The following PARN variants were observed in gnomAD, a reference collection of about 807,000 sequenced individuals.
The protein encoded by PARN is poly(A)-specific ribonuclease.
A neutral mutation model predicts 102.8 loss-of-function variants in PARN; 71 were observed. That is an observed-to-expected ratio of 0.69 (90% CI 0.57 to 0.84). The LOEUF is 0.84. Among genes scored for constraint, PARN ranks in the 40% least tolerant of loss-of-function variants. PARN has a pLI of 0.00. For missense variants in PARN, 782 were observed against 760.9 expected, an observed-to-expected ratio of 1.03 and a Z score of -0.33; for synonymous variants, 261 against 252.9, an observed-to-expected ratio of 1.03 and a Z score of -0.30.
intron 21 of PARN, among the ~76,000 whole-genome samples, chr16:14,521,353 C>A (rs1267595286): frequency 6.6e-6 from 1 of 152,170 alleles, no homozygotes; most frequent in Non-Finnish European, 1.5e-5. Context: ...CAGGTCCCTG[C>A]GTCACCCCAT....
At chr16:14,526,245 C>T (rs1425503380) in intron 21 of PARN, among the ~76,000 whole-genome samples, 5 of 147,196 alleles carry the variant, frequency 3.4e-5, no homozygotes, top group Admixed American at 6.8e-5. Context: ...GGTGCGATCT[C>T]GGCTCACTGC....
At chr16:14,545,256 C>A (rs1421011803) in intron 21 of PARN, among the ~76,000 whole-genome samples, 2 of 152,156 alleles carry the variant, frequency 1.3e-5, no homozygotes, top group African/African-American at 2.4e-5. Context: ...TAAGTGCACA[C>A]AGTATGTTCA....
chr16:14,451,871 A>AAAAAAAAAAAAAAAAAAAAAAAC (rs1961470989), intron 22 of PARN, among the ~76,000 whole-genome samples: 1 of 33,196 alleles, frequency 3.0e-5, no homozygotes, highest in Non-Finnish European at 7.3e-5. Flanking sequence ...AAAAAATACA[A>AAAAAAAAAAAAAAAAAAAAAAAC]AAAAAAAAAA....
chr16:14,627,249 C>T lies in PARN; in HGVS notation c.245+20G>A, dbSNP rs377105548. 6.5e-4 allele frequency: 1,037 copies of T among 1,586,998 alleles called. 16 individuals carry two copies. The South Asian group carries it at 0.011, about 16-fold the overall frequency. On this transcript the variant is annotated intron_variant, in intron 4 of 23. Coordinates refer to ENST00000437198, the MANE Select transcript of PARN (RefSeq NM_002582.4). ...TGTGCCACAAAAACGGAATTCCCAA[C>T]GTTTGTTAACACAACCTACTTTGAA...
At position 14,582,189 on chromosome 16, in the gene PARN, T is replaced by C. The variant is rs1282057482; in HGVS notation, c.1184A>G (p.Asn395Ser). ...ITGLCFISMANYLGSFLSPPK... is the reference protein window; with the variant it reads ...ITGLCFISMASYLGSFLSPPK... The stretch of plus-strand genomic sequence containing the variant: ...AGACATGTAATGCGTACCTAGGTAA[T>C]TGGCCATGGAGATGAAGCACAGCCC... Residue 395 changes from asparagine to serine, a missense_variant, in exon 17 of 24, where the codon AAT becomes AGT. Physicochemically the swap from Asn to Ser is conservative, Grantham distance 46. Transcript: ENST00000437198. 1.3e-6 allele frequency: 2 copies of C among 1,597,866 alleles called. No individual in the cohort carries two copies. The highest frequency in any genetic ancestry group is 1.1e-5 in the South Asian group (1 of 90,828).
At chr16:14,557,292 G>C (rs1286698935) in intron 18 of PARN, among the ~76,000 whole-genome samples, 1 of 150,332 alleles carries the variant, frequency 6.7e-6, no homozygotes, top group South Asian at 2.1e-4. Context: ...AGGCGCGGTG[G>C]CTCACACCTG....
intron 23 of PARN, among the ~76,000 whole-genome samples, chr16:14,440,432 A>G (rs1038687698): frequency 6.6e-6 from 1 of 152,230 alleles, no homozygotes; most frequent in African/African-American, 2.4e-5. Context: ...GCCACTTTGG[A>G]AAAGAGTGTA....
Position 14,448,408 on chromosome 16 carries a change from A to T in PARN, c.1671-1327T>A, listed in dbSNP as rs369860144. Among the ~76,000 whole-genome samples, 5 of 152,124 alleles carry T rather than the reference A, an allele frequency of 3.3e-5. No homozygotes were observed. The East Asian group carries it at 7.8e-4, about 24-fold the overall frequency. On this transcript the variant is annotated intron_variant, in intron 22 of 23. Transcript: ENST00000437198. Reference sequence around the variant, plus strand: ...GTGATCCGCCCAACTTGGCCTCCCAAAGTGCTGGGATTACAGGCTTGAGTT... The same window carrying T: ...GTGATCCGCCCAACTTGGCCTCCCATAGTGCTGGGATTACAGGCTTGAGTT...
At chr16:14,474,718 C>G (rs949837156) in intron 22 of PARN, among the ~76,000 whole-genome samples, 1 of 152,148 alleles carries the variant, frequency 6.6e-6, no homozygotes, top group Non-Finnish European at 1.5e-5. Context: ...AAGCTGGAAC[C>G]CTTGGCTTCT....
rs1047161334 is a variant in PARN at position 14,619,316 on chromosome 16, T to C, written c.328-1666A>G. On this transcript the variant is annotated intron_variant, in intron 5 of 23. Coordinates refer to ENST00000437198, the MANE Select transcript of PARN (RefSeq NM_002582.4). ...CCAGATTTAAATAAAAACATTAGAC[T>C]GGGCTGGACATGGTGGCTCACACCT... 2.0e-5 allele frequency among the ~76,000 whole-genome samples: 3 copies of C among 150,946 alleles called. No individual in the cohort carries two copies. In the South Asian group the frequency reaches 6.3e-4, roughly 32 times the overall value.
At chr16:14,493,980 T>C (rs751133133) in intron 21 of PARN, among the ~76,000 whole-genome samples, 16 of 152,224 alleles carry the variant, frequency 1.1e-4, no homozygotes, top group Non-Finnish European at 2.1e-4. Context: ...ACAAATACAG[T>C]TGACCCTCGA....
At chr16:14,552,265 G>C (rs1189024496) in intron 20 of PARN, among the ~76,000 whole-genome samples, 170 bp from the exon 21 acceptor site, 1 of 152,138 alleles carries the variant, frequency 6.6e-6, no homozygotes. Flanking sequence ...CTGTTCAAAG[G>C]CTACCACAGC....
chr16:14,586,350 C>T lies in PARN; in HGVS notation c.930G>A (p.Glu310=), dbSNP rs1596758654. ...FYCPLPADLS[E]FKEMTTCVFP... ...AAACACATGTTGTCATCTCTTTAAACTCACTTAAGTCCTAAAGAACAAGAG... is the reference window on the plus strand; with the variant it reads ...AAACACATGTTGTCATCTCTTTAAATTCACTTAAGTCCTAAAGAACAAGAG... The change falls in exon 14 of 24, where the codon GAG becomes GAA. Residue 310 remains glutamate (E), a synonymous_variant. Coordinates refer to ENST00000437198, the MANE Select transcript of PARN (RefSeq NM_002582.4). 1.3e-6 allele frequency: 2 copies of T among 1,535,952 alleles called. No homozygotes were observed. Among genetic ancestry groups the T allele is most frequent in the Admixed American group, 3.9e-5 (2 of 51,844 alleles).
chr16:14,590,614 C>A (rs1174334744), intron 13 of PARN, among the ~76,000 whole-genome samples: 8 of 139,526 alleles, frequency 5.7e-5, no homozygotes, highest in African/African-American at 1.6e-4. Flanking sequence ...CAGCCTGGGC[C>A]ACAGAACAAG....
chr16:14,611,299 C>T (rs1971506203), intron 6 of PARN, among the ~76,000 whole-genome samples: 1 of 152,198 alleles, frequency 6.6e-6, no homozygotes. Context: ...TGGAATGGTA[C>T]AGCATCACAT....
At chr16:14,542,013 A>AT (rs969981959) in intron 21 of PARN, among the ~76,000 whole-genome samples, 3 of 149,612 alleles carry the variant, frequency 2.0e-5, no homozygotes, top group South Asian at 2.1e-4. Flanking sequence ...TTAGAGAATG[A>AT]TTTTTTTTTG....
At chr16:14,542,359 T>C (rs2151690239) in intron 21 of PARN, among the ~76,000 whole-genome samples, 1 of 151,664 alleles carries the variant, frequency 6.6e-6, no homozygotes, top group South Asian at 2.1e-4. Context: ...TCTCGCTGTA[T>C]CTCTCAGGCT....
chr16:14,559,464 C>T (rs750976338), intron 18 of PARN, among the ~76,000 whole-genome samples: 6 of 150,770 alleles, frequency 4.0e-5, no homozygotes, highest in Non-Finnish European at 7.4e-5. Flanking sequence ...TTGTAGGGTA[C>T]GTGAGATGTT....
At chr16:14,564,391 A>C (rs1205699976) in intron 18 of PARN, among the ~76,000 whole-genome samples, 1 of 152,182 alleles carries the variant, frequency 6.6e-6, no homozygotes, top group African/African-American at 2.4e-5. Context: ...GGTAGAGCGA[A>C]TTTTCAAGGC....
Sources: gnomAD v4.1 joint callset for allele counts (sites outside exome capture counted in the v4.1 genomes callset) on GRCh38, gnomAD v4.1.1 for gene constraint, MANE v1.5 for transcripts, NCBI Gene and HGNC (gene_info 2026-07-23, HGNC 2026-07-21) for gene names.